The following TFAP4 variants were observed in gnomAD, a reference collection of about 807,000 sequenced individuals.
The protein encoded by TFAP4 is activating enhancer-binding protein 4.
Under a neutral mutation model 40.4 loss-of-function variants are expected in TFAP4, and 7 were observed. The observed-to-expected ratio is 0.17, with a 90% CI of 0.10 to 0.33. The LOEUF (loss-of-function observed/expected upper bound fraction) is 0.33. Among genes scored for constraint, TFAP4 ranks in the 10% least tolerant of loss-of-function variants. The pLI, the probability that TFAP4 is intolerant of heterozygous loss-of-function variation, is 1.00. For synonymous variants in TFAP4, 218 were observed against 181.4 expected, an observed-to-expected ratio of 1.20 and a Z score of -1.62; for missense variants, 374 against 451.1, an observed-to-expected ratio of 0.83 and a Z score of 1.55.
chr16:4,258,336 A>AC (rs2052916039), intron 6 of TFAP4, 87 bp from the exon 7 acceptor site: 1 of 1,305,052 alleles, frequency 7.7e-7, no homozygotes, highest in South Asian at 1.4e-5. Context: ...AGCCACTGTC[A>AC]CCCCCAAAAC....
At chr16:4,258,547 A>ACC in intron 6 of TFAP4, 1 of 266,960 alleles carries the variant, frequency 3.7e-6, no homozygotes, top group South Asian at 1.2e-4. Context: ...TAGTAGCTGG[A>ACC]ACCACAGGGG....
intron 1 of TFAP4, among the ~76,000 whole-genome samples, chr16:4,269,529 A>G (rs1353017909): frequency 7.3e-6 from 1 of 136,904 alleles, no homozygotes; most frequent in Non-Finnish European, 1.6e-5. Flanking sequence ...ACAGATGGAG[A>G]GTCCGGGCAC....
chr16:4,269,582 C>A (rs868625025), intron 1 of TFAP4, among the ~76,000 whole-genome samples: 1 of 147,418 alleles, frequency 6.8e-6, no homozygotes, highest in South Asian at 2.2e-4. Context: ...GAGGACGAGG[C>A]GGGCAGATCA....
rs2052909616 is a variant in TFAP4, at chr16:4,257,895, G to C, written c.*160C>G. 1 of 751,866 alleles carries C rather than the reference G, an allele frequency of 1.3e-6. No homozygotes were observed. The allele number at this position is 751,866 out of a possible 1,614,324, so 46.6% of individuals were successfully genotyped here. ...CCGGGACCTCGGGTTGAGTGGCTTC[G>C]TTCAAAGGTCGATTTACAGTATTGA... On this transcript the variant is annotated 3_prime_UTR_variant, in exon 7 of 7. Transcript: ENST00000204517.
rs961952764 is a variant in TFAP4 at position 4,272,868 on chromosome 16, T to TGGCGGC, written c.-128_-123dup. 8 of 258,586 alleles carry TGGCGGC rather than the reference T, an allele frequency of 3.1e-5. No homozygotes were observed. Among genetic ancestry groups the TGGCGGC allele is most frequent in the Admixed American group, 2.3e-4 (2 of 8,786 alleles). 16.0% of individuals were successfully genotyped at this position (258,586 alleles called of 1,614,324 possible). The stretch of plus-strand genomic sequence containing the variant: ...TGCAGAATCGGCCGGTCCCAGATGC[T>TGGCGGC]GGCGGCGGCGGCGGCGGCGAGGGGA... On this transcript the variant is annotated 5_prime_UTR_variant, in exon 1 of 7. Coordinates refer to ENST00000204517, the MANE Select transcript of TFAP4 (RefSeq NM_003223.3).
intron 4 of TFAP4, among the ~76,000 whole-genome samples, 158 bp from the exon 5 acceptor site, chr16:4,260,753 C>G (rs2052941053): frequency 2.0e-5 from 3 of 152,064 alleles, no homozygotes; most frequent in Admixed American, 2.0e-4. Flanking sequence ...CAGCCCCCGG[C>G]TCCTCTCGCC....
In TFAP4 at chr16:4,269,534, G is replaced by A. The variant is rs117099821; in HGVS notation, c.89+3124C>T. 3.0e-3 allele frequency among the ~76,000 whole-genome samples: 418 copies of A among 139,158 alleles called. 6 individuals are homozygous for A. The highest frequency in any genetic ancestry group is 0.029 in the Admixed American group (386 of 13,496). 91.3% of individuals were successfully genotyped at this position (139,158 alleles called of 152,430 possible). The stretch of plus-strand genomic sequence containing the variant: ...AAAAAAAGATACAGATGGAGAGTCC[G>A]GGCACGGTGGCTCACGTCTGAAATC... On this transcript the variant is annotated intron_variant, in intron 1 of 6. Coordinates refer to ENST00000204517, the MANE Select transcript of TFAP4 (RefSeq NM_003223.3).
At chr16:4,272,603 G>A in intron 1 of TFAP4, 55 bp downstream of exon 1, 1 of 1,441,850 alleles carries the variant, frequency 6.9e-7, no homozygotes, top group Non-Finnish European at 9.4e-7. Context: ...CGCCCGGGCG[G>A]GCTGGCCGGG....
chr16:4,272,340 G>C (rs916658607), intron 1 of TFAP4, among the ~76,000 whole-genome samples: 2 of 152,110 alleles, frequency 1.3e-5, no homozygotes, highest in African/African-American at 2.4e-5. Context: ...GGAAGCGCGG[G>C]GGGGAAGGCC....
intron 6 of TFAP4, among the ~76,000 whole-genome samples, chr16:4,259,102 A>T (rs1201782181): frequency 6.6e-6 from 1 of 150,956 alleles, no homozygotes; most frequent in Non-Finnish European, 1.5e-5. Flanking sequence ...AAAAAAGAAA[A>T]AAAAAGAAAT....
intron 1 of TFAP4, chr16:4,263,762 G>C (rs920690437): frequency 6.5e-6 from 1 of 153,574 alleles, no homozygotes; most frequent in African/African-American, 2.4e-5. Flanking sequence ...CAGCCTGGGG[G>C]AAGAGGGCGT....
chr16:4,272,716 C>G lies in TFAP4; in HGVS notation c.31G>C (p.Val11Leu), dbSNP rs143657362. 1 of 1,613,570 alleles carries G rather than the reference C, an allele frequency of 6.2e-7. No individual in the cohort carries two copies. The highest frequency in any genetic ancestry group is 1.1e-5 in the South Asian group (1 of 91,060). Residue 11 changes from valine (V) to leucine (L), a missense_variant, in exon 1 of 7, where the codon GTG becomes CTG. Val to Leu is a conservative substitution (Grantham distance 32, BLOSUM62 1). Transcript: ENST00000204517. ...TTCCTGAAATGTTGCAAAGAGGGCA[C>G]CTTCTGAGTGGGCACCATGAAATAC... Reference protein sequence around the residue: MEYFMVPTQKVPSLQHFRKTE... With the variant: MEYFMVPTQKLPSLQHFRKTE...
intron 4 of TFAP4, 56 bp downstream of exon 4, chr16:4,261,723 C>T (rs2052950066): frequency 1.3e-5 from 19 of 1,499,476 alleles, no homozygotes; most frequent in East Asian, 2.3e-5. Flanking sequence ...AGGCGCGACC[C>T]CAGGCTCCAC....
chr16:4,261,535 C>T (rs941276596), intron 4 of TFAP4, among the ~76,000 whole-genome samples: 1 of 151,998 alleles, frequency 6.6e-6, no homozygotes, highest in Non-Finnish European at 1.5e-5. Context: ...GTGATCCACC[C>T]GCCTCGGCCT....
chr16:4,272,528 G>T (rs920003276), intron 1 of TFAP4, 130 bp downstream of exon 1: 4 of 603,602 alleles, frequency 6.6e-6, no homozygotes, highest in African/African-American at 5.9e-5. Flanking sequence ...GGCTGCAGCC[G>T]TCCCGGCAGC....
In TFAP4 at chr16:4,257,776, G is replaced by GCCAGGCATCTCCGTGTCAGCTTCCT; in HGVS notation, c.*254_*278dup. 1 of 372,346 alleles carries GCCAGGCATCTCCGTGTCAGCTTCCT rather than the reference G, an allele frequency of 2.7e-6. No individual in the cohort carries two copies. The highest frequency in any genetic ancestry group is 4.8e-6 in the Non-Finnish European group (1 of 207,188). 23.1% of individuals were successfully genotyped at this position (372,346 alleles called of 1,614,324 possible). Reference sequence around the variant, plus strand: ...AAAAAATGCTTTTTGGCAGAGAGAGGCCAGGCATCTCCGTGTCAGCTTCCT... The same window carrying GCCAGGCATCTCCGTGTCAGCTTCCT: ...AAAAAATGCTTTTTGGCAGAGAGAGGCCAGGCATCTCCGTGTCAGCTTCCTCCAGGCATCTCCGTGTCAGCTTCCT... On this transcript the variant is annotated 3_prime_UTR_variant, in exon 7 of 7. Coordinates refer to ENST00000204517, the MANE Select transcript of TFAP4 (RefSeq NM_003223.3).
Position 4,258,146 on chromosome 16 carries a change from G to A in TFAP4, c.926C>T (p.Thr309Ile). The change falls in exon 7 of 7, where the codon ACC becomes ATC. Residue 309 changes from threonine to isoleucine, a missense_variant. Physicochemically the swap from Thr to Ile is moderately conservative, Grantham distance 89. Around this residue, in one of 6 missense-constraint regions of TFAP4, gnomAD observed 93 missense variants for 79.2 expected, o/e 1.17. Coordinates refer to ENST00000204517, the MANE Select transcript of TFAP4 (RefSeq NM_003223.3). ...CTCGGAGTCGGAGGCGGTGTCAGAG[G>A]TGGGGGCCTCCGGGCAGCTGCGGAC... The part of the protein sequence containing the change: ...KPVRSCPEAP[T>I]SDTASDSEAS... 4 of 1,614,044 alleles carry A rather than the reference G, an allele frequency of 2.5e-6. No homozygotes were observed. Among genetic ancestry groups the A allele is most frequent in the Non-Finnish European group, 3.4e-6 (4 of 1,179,992 alleles).
rs768098928 is a variant in TFAP4 at position 4,258,203 on chromosome 16, T to G, written c.869A>C (p.Glu290Ala). 7 of 1,608,946 alleles carry G rather than the reference T, an allele frequency of 4.4e-6. No homozygotes were observed. In the East Asian group the frequency reaches 1.3e-4, roughly 31 times the overall value. ...CACGATGACAGCTCGCCGCTGCTCCTCCTCCAGCTCCTGCTTTTCCTGGGT... is the reference window on the plus strand; with the variant it reads ...CACGATGACAGCTCGCCGCTGCTCCGCCTCCAGCTCCTGCTTTTCCTGGGT... ...EGTQEKQELE[E>A]EQRRAVIVKP... Residue 290 changes from glutamate to alanine, a missense_variant, in exon 7 of 7, where the codon GAG becomes GCG. By Grantham distance (107) the Glu-to-Ala change is moderately radical. This residue lies in a region of TFAP4 where 93 missense variants were observed against 79.2 expected (regional missense o/e 1.17). Transcript: ENST00000204517.
At chr16:4,261,707 A>G in intron 4 of TFAP4, 72 bp downstream of exon 4, 2 of 1,455,066 alleles carry the variant, frequency 1.4e-6, no homozygotes, top group South Asian at 1.4e-5. Flanking sequence ...AGGGCCGCAG[A>G]GCAAGAGGCG....
Sources: allele counts gnomAD v4.1 joint callset (sites outside exome capture counted in the v4.1 genomes callset), GRCh38; gene constraint gnomAD v4.1.1; regional missense constraint gnomAD v4.1.1; transcripts MANE v1.5; gene names NCBI Gene and HGNC (gene_info 2026-07-23, HGNC 2026-07-21).